Variants in MAN1B1 observed in about 807,000 individuals in gnomAD.
The protein encoded by MAN1B1 is mannosidase alpha class 1B member 1.
Under a neutral mutation model 75.5 loss-of-function variants are expected in MAN1B1, and 66 were observed. The observed-to-expected ratio is 0.87, with a 90% CI of 0.72 to 1.07. The LOEUF (loss-of-function observed/expected upper bound fraction) is 1.07, where lower values mean the gene tolerates loss of function less well. Ranked by LOEUF, MAN1B1 falls within the 50% of genes least tolerant of loss-of-function variation. The probability of loss-of-function intolerance (pLI) is 0.00; values close to 1 mark genes in which losing one functional copy is unlikely to be tolerated. For synonymous variants in MAN1B1, 453 were observed against 382.8 expected, an observed-to-expected ratio of 1.18 and a Z score of -2.14; for missense variants, 973 against 912.5, an observed-to-expected ratio of 1.07 and a Z score of -0.85.
rs1356101910 is a variant in MAN1B1, at chr9:137,108,684, C to T, written c.*93C>T. The T allele has an allele frequency of 1.7e-5, 20 of 1,189,406 alleles. No homozygotes were observed. Among genetic ancestry groups the T allele is most frequent in the Middle Eastern group, 1.9e-4 (1 of 5,318 alleles). The allele number at this position is 1,189,406 out of a possible 1,614,324, so 73.7% of individuals were successfully genotyped here. ...CAAGGGCCCACGTAGCACCGGCAACCGCCAAGTGGCCCAGGCTCTGAACTG... is the reference window on the plus strand; with the variant it reads ...CAAGGGCCCACGTAGCACCGGCAACTGCCAAGTGGCCCAGGCTCTGAACTG... On this transcript the variant is annotated 3_prime_UTR_variant, in exon 13 of 13. Transcript: ENST00000371589.
chr9:137,107,668 C>T lies in MAN1B1; in HGVS notation c.1896+6C>T. 1.9e-6 allele frequency: 3 copies of T among 1,609,598 alleles called. No individual in the cohort carries two copies. Among genetic ancestry groups the T allele is most frequent in the Non-Finnish European group, 2.5e-6 (3 of 1,179,944 alleles). On this transcript the variant is annotated splice_donor_region_variant and intron_variant, in intron 12 of 12. Transcript: ENST00000371589. ...GCTTCAGCCGATTCACACGGGTGAG[C>T]ACCTGTCCTCGCCCCGCGTGGTCAC...
chr9:137,099,113 A>G (rs1444839450), intron 5 of MAN1B1, among the ~76,000 whole-genome samples: 3 of 152,130 alleles, frequency 2.0e-5, no homozygotes, highest in Admixed American at 2.0e-4. Context: ...TACAGGCGGG[A>G]GCCACCGTGC....
At position 137,108,453 on chromosome 9, in the gene MAN1B1, C is replaced by G; in HGVS notation, c.1962C>G (p.Asp654Glu). 1 of 1,613,972 alleles carries G rather than the reference C, an allele frequency of 6.2e-7. No individual in the cohort carries two copies. The highest frequency in any genetic ancestry group is 8.5e-7 in the Non-Finnish European group (1 of 1,180,022). Residue 654 changes from aspartate (D) to glutamate (E), a missense_variant, in exon 13 of 13, where the codon GAC becomes GAG. Physicochemically the swap from Asp to Glu is conservative, Grantham distance 45 (BLOSUM62 2). Transcript: ENST00000371589. ...ATCCTCAGAAGCCCGAGCCTAGGGACAAGATGGAGAGCTTCTTCCTGGGGG... is the reference window on the plus strand; with the variant it reads ...ATCCTCAGAAGCCCGAGCCTAGGGAGAAGATGGAGAGCTTCTTCCTGGGGG... ...VQDPQKPEPR[D>E]KMESFFLGET...
In MAN1B1 at chr9:137,101,032, C is replaced by T. The variant is rs370313480; in HGVS notation, c.944C>T (p.Ser315Leu). Residue 315 changes from serine to leucine, a missense_variant, in exon 7 of 13, where the codon TCG becomes TTG. Ser to Leu is a moderately radical substitution (Grantham distance 145). Transcript: ENST00000371589. ...TTTGAGGAAGCCAGGAAGTGGGTGTCGAAGAAGTTACACTTTGAAAAGGAC... is the reference window on the plus strand; with the variant it reads ...TTTGAGGAAGCCAGGAAGTGGGTGTTGAAGAAGTTACACTTTGAAAAGGAC... ...KEFEEARKWV[S>L]KKLHFEKDVD... 28 of 1,614,022 alleles carry T rather than the reference C, an allele frequency of 1.7e-5. No homozygotes were observed. The highest frequency in any genetic ancestry group is 1.3e-4 in the African/African-American group (10 of 74,920).
At chr9:137,087,368 G>A in intron 1 of MAN1B1, 150 bp downstream of exon 1, 1 of 969,566 alleles carries the variant, frequency 1.0e-6, no homozygotes, top group Non-Finnish European at 1.5e-6. Flanking sequence ...GCAAATGTGC[G>A]TTCCTGGTTG....
chr9:137,108,210 A>G, intron 12 of MAN1B1, 178 bp from the exon 13 acceptor site: 1 of 641,964 alleles, frequency 1.6e-6, no homozygotes, highest in Non-Finnish European at 2.8e-6. Context: ...TGGCATTTCC[A>G]GGTGGGCTCC....
At position 137,100,967 on chromosome 9, in the gene MAN1B1, C is replaced by T. The variant is rs1160309558; in HGVS notation, c.917-38C>T. 5 of 1,612,686 alleles carry T rather than the reference C, an allele frequency of 3.1e-6. No homozygotes were observed. In the Admixed American group the frequency reaches 8.3e-5, roughly 27 times the overall value. On this transcript the variant is annotated intron_variant, in intron 6 of 12. Transcript: ENST00000371589. Reference sequence around the variant, plus strand: ...GATAATAGGAAAACGTTGGAGCCATCCATTTGTCTCTGCATCCTTTACTGT... The same window carrying T: ...GATAATAGGAAAACGTTGGAGCCATTCATTTGTCTCTGCATCCTTTACTGT...
intron 3 of MAN1B1, among the ~76,000 whole-genome samples, chr9:137,090,241 G>A (rs972820334): frequency 2.0e-5 from 3 of 152,294 alleles, no homozygotes; most frequent in East Asian, 3.9e-4. Context: ...AGGCCCTTAG[G>A]GTGTTAGTTA....
At position 137,099,862 on chromosome 9, in the gene MAN1B1, G is replaced by C; in HGVS notation, c.897G>C (p.Trp299Cys). The C allele has an allele frequency of 1.2e-6, 2 of 1,614,196 alleles. No homozygotes were observed. Among genetic ancestry groups the C allele is most frequent in the Non-Finnish European group, 8.5e-7 (1 of 1,180,048 alleles). Residue 299 changes from tryptophan to cysteine, a missense_variant, in exon 6 of 13, where the codon TGG (tryptophan) becomes TGC (cysteine). Physicochemically the swap from Trp to Cys is radical, Grantham distance 215 (BLOSUM62 -2). Transcript: ENST00000371589. ...TGATCGACGCGCTGGACACCATGTG[G>C]ATCTTGGGTCTGAGGAAAGGTACCT... ...LTLIDALDTM[W>C]ILGLRKEFEE... is the part of the protein sequence containing the mutation.
intron 1 of MAN1B1, 169 bp downstream of exon 1, chr9:137,087,387 G>T (rs1371505656): frequency 1.1e-6 from 1 of 878,244 alleles, no homozygotes; most frequent in Non-Finnish European, 1.8e-6. Flanking sequence ...TGGGGCAGCC[G>T]TGGGCGGCTC....
At position 137,097,823 on chromosome 9, in the gene MAN1B1, C is replaced by G; in HGVS notation, c.621-5C>G. 2 of 1,548,218 alleles carry G rather than the reference C, an allele frequency of 1.3e-6. No individual in the cohort carries two copies. Among genetic ancestry groups the G allele is most frequent in the Non-Finnish European group, 1.7e-6 (2 of 1,144,062 alleles). Reference sequence around the variant, plus strand: ...GCAGCTGACACCCTTCCTTCTCCCCCGAAGCTGGAGGGGAGCGGTGATCGA... The same window carrying G: ...GCAGCTGACACCCTTCCTTCTCCCCGGAAGCTGGAGGGGAGCGGTGATCGA... On this transcript the variant is annotated splice_region_variant and splice_polypyrimidine_tract_variant and intron_variant, in intron 4 of 12. Transcript: ENST00000371589.
Position 137,099,785 on chromosome 9 carries a change from C to T in MAN1B1, c.820C>T (p.Leu274=). 1 of 1,614,238 alleles carries T rather than the reference C, an allele frequency of 6.2e-7. No homozygotes were observed. The highest frequency in any genetic ancestry group is 8.5e-7 in the Non-Finnish European group (1 of 1,180,044). ...YRKFAWGHDE[L]KPVSRSFSEW... ...CAAGTTTGCATGGGGCCATGACGAG[C>T]TGAAGCCTGTGTCCAGGTCCTTCAG... The change falls in exon 6 of 13, where the codon CTG becomes TTG. Residue 274 remains leucine, a synonymous_variant. Coordinates refer to ENST00000371589, the MANE Select transcript of MAN1B1 (RefSeq NM_016219.5).
At chr9:137,108,358 T>C in intron 12 of MAN1B1, 30 bp from the exon 13 acceptor site, 1 of 1,589,698 alleles carries the variant, frequency 6.3e-7, no homozygotes, top group Non-Finnish European at 8.6e-7. Flanking sequence ...GTGCCCCCCG[T>C]GTGGTGACGA....
Position 137,106,367 on chromosome 9 carries a change from C to T in MAN1B1, c.1445+52C>T, listed in dbSNP as rs1225749492. On this transcript the variant is annotated intron_variant, in intron 9 of 12. Coordinates refer to ENST00000371589, the MANE Select transcript of MAN1B1 (RefSeq NM_016219.5). ...TCCCGCGGCTCCCCCGTTCCCGCAG[C>T]CCCCCACTCCTGCTGCCCCCAGCTC... 16 of 1,463,178 alleles carry T rather than the reference C, an allele frequency of 1.1e-5. No individual in the cohort carries two copies. In the East Asian group the frequency reaches 2.7e-4, roughly 25 times the overall value. 90.6% of individuals were successfully genotyped at this position (1,463,178 alleles called of 1,614,324 possible).
At chr9:137,089,111 G>C in intron 3 of MAN1B1, 106 bp downstream of exon 3, 1 of 1,367,004 alleles carries the variant, frequency 7.3e-7, no homozygotes, top group Non-Finnish European at 1.0e-6. Context: ...TTATTACCAC[G>C]TGTTTACCTC....
rs893487237 is a variant in MAN1B1 at position 137,099,630 on chromosome 9, G to A, written c.731-66G>A. 7.2e-6 allele frequency: 11 copies of A among 1,532,398 alleles called. No individual in the cohort carries two copies. In the Admixed American group the frequency reaches 1.7e-4, roughly 23 times the overall value. The allele number at this position is 1,532,398 out of a possible 1,614,324, so 94.9% of individuals were successfully genotyped here. A position where few individuals can be genotyped will look rare whatever the true frequency, so the allele number is the denominator to read the frequency against. On this transcript the variant is annotated intron_variant, in intron 5 of 12. Coordinates refer to ENST00000371589, the MANE Select transcript of MAN1B1 (RefSeq NM_016219.5). ...GGGGTCACAGCAGTGCTCTGCCTGA[G>A]GGTGTCCATCTGTGCCGACGCCAGG...
At chr9:137,100,433 G>A (rs1029326340) in intron 6 of MAN1B1, among the ~76,000 whole-genome samples, 5 of 150,466 alleles carry the variant, frequency 3.3e-5, no homozygotes, top group African/African-American at 7.4e-5. Flanking sequence ...AAATGTTGAC[G>A]ACTTCAAGAT....
rs12352987 is a variant in MAN1B1 at position 137,098,672 on chromosome 9, C to T, written c.730+735C>T. ...GGCCTCAGAACCTTTCCTGAGAGGACGTGTGGTTTGGTGCCGTTACACACG... is the reference window on the plus strand; with the variant it reads ...GGCCTCAGAACCTTTCCTGAGAGGATGTGTGGTTTGGTGCCGTTACACACG... On this transcript the variant is annotated intron_variant, in intron 5 of 12. Coordinates refer to ENST00000371589, the MANE Select transcript of MAN1B1 (RefSeq NM_016219.5). 4.4e-3 allele frequency among the ~76,000 whole-genome samples: 663 copies of T among 152,230 alleles called. 5 individuals carry two copies. The highest frequency in any genetic ancestry group is 0.015 in the African/African-American group (627 of 41,524).
rs1441928847 is a variant in MAN1B1, at chr9:137,108,495, G to C, written c.2004G>C (p.Leu668=). ...SFFLGETLKY[L]FLLFSDDPNL... is the part of the protein sequence containing the mutation. ...TCCTGGGGGAGACGCTCAAGTATCT[G>C]TTCTTGCTCTTCTCCGATGACCCAA... The change falls in exon 13 of 13, where the codon CTG becomes CTC. Residue 668 remains leucine, a synonymous_variant. Transcript: ENST00000371589. 16 of 1,613,910 alleles carry C rather than the reference G, an allele frequency of 9.9e-6. No homozygotes were observed. Among genetic ancestry groups the C allele is most frequent in the Non-Finnish European group, 1.4e-5 (16 of 1,180,020 alleles).
Sources: gnomAD v4.1 joint callset for allele counts (sites outside exome capture counted in the v4.1 genomes callset) on GRCh38, gnomAD v4.1.1 for gene constraint, MANE v1.5 for transcripts, NCBI Gene and HGNC (gene_info 2026-07-23, HGNC 2026-07-21) for gene names.